The following EYA3 variants were observed in gnomAD, a reference collection of about 807,000 sequenced individuals.
The protein encoded by EYA3 is protein phosphatase EYA3.
EYA3 carries 39 observed loss-of-function variants against 80.0 expected under a neutral mutation model. The ratio of observed to expected loss-of-function variants is 0.49; its 90% CI spans 0.38 to 0.64. The LOEUF is 0.64. EYA3 is among the 30% of genes least tolerant of loss of function. EYA3 has a pLI of 0.00. For synonymous variants in EYA3, 206 were observed against 232.8 expected (o/e 0.88, Z 1.05); for missense variants, 523 against 676.1 (o/e 0.77, Z 2.51).
chr1:28,076,679 A>G (rs143111358), intron 1 of EYA3, among the ~76,000 whole-genome samples: 4,799 of 64,094 alleles, frequency 0.075, 269 homozygotes, highest in African/African-American at 0.23. Flanking sequence ...AAAAAAAAAA[A>G]AAAGAAAGAA....
rs1645468656 is a variant in EYA3 at position 28,082,619 on chromosome 1, C to A, written c.-69+5905G>T. ...ATGTCCTTAATTTCACATAAATTTC[C>A]AAATTTGGAAATGAGACCAGTGGCA... On this transcript the variant is annotated intron_variant, in intron 1 of 17. Transcript: ENST00000373871. Among the ~76,000 whole-genome samples, 4 of 152,032 alleles carry A rather than the reference C, an allele frequency of 2.6e-5. No homozygotes were observed. In the South Asian group the frequency reaches 8.3e-4, roughly 32 times the overall value.
intron 1 of EYA3, among the ~76,000 whole-genome samples, chr1:28,058,884 C>T (rs997883141): frequency 5.3e-5 from 8 of 152,256 alleles, no homozygotes; most frequent in African/African-American, 1.9e-4. Context: ...AATTAGAAAG[C>T]TGCATACATT....
intron 3 of EYA3, among the ~76,000 whole-genome samples, chr1:28,043,341 A>C (rs116248297): frequency 0.02 from 2,909 of 143,158 alleles, 51 homozygotes; most frequent in Non-Finnish European, 0.033. Context: ...AAAAAAAAAA[A>C]AAAAACGTGA....
chr1:28,005,197 A>G (rs1641179734), intron 10 of EYA3, among the ~76,000 whole-genome samples: 1 of 152,224 alleles, frequency 6.6e-6, no homozygotes, highest in Non-Finnish European at 1.5e-5. Flanking sequence ...ATGCATAATT[A>G]AAAACATCCC....
chr1:28,084,595 ATTTTTTTTTTTTTTTTTT>A (rs869103612), intron 1 of EYA3, among the ~76,000 whole-genome samples: 3 of 15,228 alleles, frequency 2.0e-4, no homozygotes, highest in African/African-American at 6.0e-4. Flanking sequence ...ATATATATAT[ATTTTTTTTTTTTTTTTTT>A]TTTTTTTTTT....
intron 1 of EYA3, among the ~76,000 whole-genome samples, chr1:28,076,964 C>T (rs1464074937): frequency 7.3e-5 from 11 of 151,430 alleles, no homozygotes; most frequent in Non-Finnish European, 1.6e-4. Context: ...TGGTCTCGAA[C>T]TTCTGACCTC....
rs576738779 is a variant in EYA3 at position 28,008,282 on chromosome 1, A to T, written c.909+2665T>A. On this transcript the variant is annotated intron_variant, in intron 10 of 17. Transcript: ENST00000373871. ...AGACCATTATCTTACACCATATACA[A>T]AACTAACTCAAAATGGAGAACAGCC... Among the ~76,000 whole-genome samples, 14 of 152,288 alleles carry T rather than the reference A, an allele frequency of 9.2e-5. 1 individual carries two copies. In the East Asian group the frequency reaches 2.7e-3, roughly 29 times the overall value.
At chr1:28,033,442 G>A (rs933876918) in intron 6 of EYA3, among the ~76,000 whole-genome samples, 18 of 151,978 alleles carry the variant, frequency 1.2e-4, no homozygotes, top group African/African-American at 4.3e-4. Context: ...TCAAATTTAA[G>A]CTAATGATTA....
At position 28,042,647 on chromosome 1, in the gene EYA3, T is replaced by C. The variant is rs148611688; in HGVS notation, c.81A>G (p.Gln27=). The change falls in exon 4 of 18, where the codon CAA becomes CAG. Residue 27 remains glutamine (Q), a synonymous_variant. Transcript: ENST00000373871. ...MQESGEQTIS[Q]VSNPDVSDQK... ...GATCACTGACATCTGGATTGCTTAC[T>C]TGACTGGGAGAACCAAAATGAATAC... is the stretch of plus-strand genomic sequence containing the variant. 2.5e-6 allele frequency: 4 copies of C among 1,614,048 alleles called. No individual in the cohort carries two copies. The African/African-American group carries it at 4.0e-5, about 16-fold the overall frequency.
chr1:28,016,985 G>A (rs759094986), intron 8 of EYA3, among the ~76,000 whole-genome samples, 169 bp downstream of exon 8: 5 of 152,192 alleles, frequency 3.3e-5, no homozygotes, highest in Non-Finnish European at 5.9e-5. Context: ...AAACTAGACA[G>A]TAACCTAAGA....
rs745690030 is a variant in EYA3 at position 28,048,443 on chromosome 1, A to G, written c.34-17T>C. 2 of 1,605,464 alleles carry G rather than the reference A, an allele frequency of 1.2e-6. No individual in the cohort carries two copies. The highest frequency in any genetic ancestry group is 2.7e-5 in the African/African-American group (2 of 74,826). Reference sequence around the variant, plus strand: ...TTTTTTCACCTGCAAAAATAAATATACAAAGGTATCAATGTACTTGATCTG... The same window carrying G: ...TTTTTTCACCTGCAAAAATAAATATGCAAAGGTATCAATGTACTTGATCTG... On this transcript the variant is annotated splice_polypyrimidine_tract_variant and intron_variant, in intron 2 of 17. Coordinates refer to ENST00000373871, the MANE Select transcript of EYA3 (RefSeq NM_001990.4).
intron 7 of EYA3, 126 bp downstream of exon 7, chr1:28,027,663 C>T: frequency 8.3e-7 from 1 of 1,209,978 alleles, no homozygotes; most frequent in East Asian, 2.4e-5. Flanking sequence ...CAAGTATCAC[C>T]CCCTTTCTAC....
intron 14 of EYA3, among the ~76,000 whole-genome samples, chr1:27,992,414 C>T (rs1462919920): frequency 6.6e-6 from 1 of 152,082 alleles, no homozygotes; most frequent in East Asian, 1.9e-4. Flanking sequence ...CTAATGCCGC[C>T]ACTGATCTGA....
intron 12 of EYA3, among the ~76,000 whole-genome samples, chr1:27,998,612 G>A (rs367845542): frequency 1.3e-5 from 2 of 151,614 alleles, no homozygotes; most frequent in African/African-American, 4.8e-5. Flanking sequence ...CAGTGCTCAC[G>A]CCGGTAATCC....
At chr1:28,001,183 T>C (rs1250308929) in intron 11 of EYA3, among the ~76,000 whole-genome samples, 1 of 148,804 alleles carries the variant, frequency 6.7e-6, no homozygotes, top group Non-Finnish European at 1.5e-5. Context: ...TATATCACTA[T>C]GTAAATATAT....
chr1:28,046,514 AG>A (rs985901052), intron 3 of EYA3, among the ~76,000 whole-genome samples: 4 of 151,932 alleles, frequency 2.6e-5, no homozygotes, highest in African/African-American at 9.7e-5. Context: ...CAGGAAAGGG[AG>A]GGAAAAGGGA....
intron 10 of EYA3, among the ~76,000 whole-genome samples, chr1:28,010,228 G>T (rs970729150): frequency 6.6e-6 from 1 of 152,094 alleles, no homozygotes; most frequent in Non-Finnish European, 1.5e-5. Flanking sequence ...TTAGCACTCT[G>T]CATGACCTTT....
At position 28,073,127 on chromosome 1, in the gene EYA3, A is replaced by ATTTTTTTTT. The variant is rs1180868021; in HGVS notation, c.-68-15042_-68-15034dup. Among the ~76,000 whole-genome samples the ATTTTTTTTT allele has an allele frequency of 8.0e-4, 12 of 14,998 alleles. 1 individual carries two copies. Among genetic ancestry groups the ATTTTTTTTT allele is most frequent in the African/African-American group, 2.8e-3 (9 of 3,170 alleles). The allele number at this position is 14,998 out of a possible 152,430, so 9.8% of individuals were successfully genotyped here. Reference sequence around the variant, plus strand: ...ATTATATATATATATATATATATATATTTTTTTTTTTTTTTTTTTTTTTTA... The same window carrying ATTTTTTTTT: ...ATTATATATATATATATATATATATATTTTTTTTTTTTTTTTTTTTTTTTTTTTTTTTTA... On this transcript the variant is annotated intron_variant, in intron 1 of 17. Transcript: ENST00000373871.
At chr1:28,021,486 G>A (rs1642431459) in intron 7 of EYA3, among the ~76,000 whole-genome samples, 1 of 152,008 alleles carries the variant, frequency 6.6e-6, no homozygotes, top group Non-Finnish European at 1.5e-5. Flanking sequence ...GAATCCTGCT[G>A]TCTTATAATC....
Sources: gnomAD v4.1 joint callset for allele counts (sites outside exome capture counted in the v4.1 genomes callset) on GRCh38, gnomAD v4.1.1 for gene constraint, MANE v1.5 for transcripts, NCBI Gene and HGNC (gene_info 2026-07-23, HGNC 2026-07-21) for gene names.